RITA1: variants seen among roughly 807,000 people sequenced by gnomAD.
The protein encoded by RITA1 is RBPJ interacting and tubulin associated 1.
Under a neutral mutation model 8.7 loss-of-function variants are expected in RITA1, and 15 were observed. That is an observed-to-expected ratio of 1.72 (90% CI 1.15 to 2.65). The LOEUF (loss-of-function observed/expected upper bound fraction) is 2.65. RITA1 is among the 30% of genes most tolerant of loss of function. The pLI is 0.00. For missense variants in RITA1, 330 were observed against 363.8 expected (o/e 0.91, Z 0.76); for synonymous variants, 145 against 156.2 (o/e 0.93, Z 0.53).
At position 113,185,924 on chromosome 12, in the gene RITA1, G is replaced by A; in HGVS notation, c.-294G>A. ...TTGACGGGGATCCCGGATGCACCGC[G>A]CGCCCCCGCGCCCTCACCGACGGGT... On this transcript the variant is annotated 5_prime_UTR_variant, in exon 1 of 4. Coordinates refer to ENST00000548278, the MANE Select transcript of RITA1 (RefSeq NM_032848.3). 6.7e-7 allele frequency: 1 copy of A among 1,497,006 alleles called. No homozygotes were observed. The highest frequency in any genetic ancestry group is 1.2e-5 in the South Asian group (1 of 82,888). The allele number at this position is 1,497,006 out of a possible 1,614,324, so 92.7% of individuals were successfully genotyped here. A position where few individuals can be genotyped will look rare whatever the true frequency, so the allele number is the denominator to read the frequency against.
intron 3 of RITA1, among the ~76,000 whole-genome samples, chr12:113,189,168 G>T (rs61941445): frequency 0.049 from 7,508 of 152,044 alleles, 264 homozygotes; most frequent in Middle Eastern, 0.068. Context: ...GACATTTGGG[G>T]TTAGGGCTTC....
intron 3 of RITA1, among the ~76,000 whole-genome samples, chr12:113,189,985 G>A (rs1056477414): frequency 4.7e-5 from 7 of 149,360 alleles, no homozygotes; most frequent in Non-Finnish European, 1.0e-4. Context: ...TGCAGCGAGC[G>A]TCACTGCACT....
chr12:113,191,211 C>T lies in RITA1; in HGVS notation c.303-99C>T. On this transcript the variant is annotated intron_variant, in intron 3 of 3. Transcript: ENST00000548278. The surrounding 1 kb of genome is among the most constrained non-coding windows in gnomAD (Gnocchi z 4.0). Reference sequence around the variant, plus strand: ...GGACTCCTGGGATCTGCAGGCAACCCTCCTCTGCTGCTGCCATCCCAGGGT... The same window carrying T: ...GGACTCCTGGGATCTGCAGGCAACCTTCCTCTGCTGCTGCCATCCCAGGGT... The T allele has an allele frequency of 7.0e-7, 1 of 1,435,046 alleles. No individual in the cohort carries two copies. The highest frequency in any genetic ancestry group is 9.2e-7 in the Non-Finnish European group (1 of 1,085,980). The allele number at this position is 1,435,046 out of a possible 1,614,324, so 88.9% of individuals were successfully genotyped here.
chr12:113,185,961 G>A lies in RITA1; in HGVS notation c.-257G>A. On this transcript the variant is annotated 5_prime_UTR_variant, in exon 1 of 4. The change creates a premature stop within an existing upstream ORF in the 5' untranslated region. Coordinates refer to ENST00000548278, the MANE Select transcript of RITA1 (RefSeq NM_032848.3). ...CCTCACCGACGGGTCCAGACCTGGT[G>A]GGAAGAAGGTGCGGGGACGGGTCCC... The A allele has an allele frequency of 6.5e-7, 1 of 1,535,294 alleles. No individual in the cohort carries two copies. Among genetic ancestry groups the A allele is most frequent in the South Asian group, 1.2e-5 (1 of 84,030 alleles).
At chr12:113,190,280 T>C (rs1307971139) in intron 3 of RITA1, among the ~76,000 whole-genome samples, 1 of 141,372 alleles carries the variant, frequency 7.1e-6, no homozygotes, top group Non-Finnish European at 1.5e-5. Context: ...TGCAGTGAGC[T>C]GAGATTGCAC....
Position 113,191,165 on chromosome 12 carries a change from A to C in RITA1, c.303-145A>C. Reference sequence around the variant, plus strand: ...GCTTAAGAGGCTGTGGCCTCGCTGTAGGTTTCAGACTGGGAGACAAGGACT... The same window carrying C: ...GCTTAAGAGGCTGTGGCCTCGCTGTCGGTTTCAGACTGGGAGACAAGGACT... On this transcript the variant is annotated intron_variant, in intron 3 of 3. Transcript: ENST00000548278. The surrounding 1 kb of genome is among the most constrained non-coding windows in gnomAD (Gnocchi z 4.0). 1 of 1,066,826 alleles carries C rather than the reference A, an allele frequency of 9.4e-7. No homozygotes were observed. The highest frequency in any genetic ancestry group is 1.3e-6 in the Non-Finnish European group (1 of 775,606). 66.1% of individuals were successfully genotyped at this position (1,066,826 alleles called of 1,614,324 possible).
chr12:113,191,506 G>A lies in RITA1; in HGVS notation c.499G>A (p.Ala167Thr). The A allele has an allele frequency of 6.2e-7, 1 of 1,607,642 alleles. No homozygotes were observed. Among genetic ancestry groups the A allele is most frequent in the Non-Finnish European group, 8.5e-7 (1 of 1,175,046 alleles). ...REAPLRAIHP[A>T]GPSKTEPGPA... ...GGCACCACTGCGAGCCATTCACCCA[G>A]CTGGTCCCTCCAAGACAGAGCCGGG... The change falls in exon 4 of 4, where the codon GCT becomes ACT. Residue 167 changes from alanine (A) to threonine (T), a missense_variant. Coordinates refer to ENST00000548278, the MANE Select transcript of RITA1 (RefSeq NM_032848.3). This position sits in a 1 kb window ranked among gnomAD's most constrained non-coding sequence, Gnocchi z 4.0.
chr12:113,188,397 C>T (rs1483358743), intron 3 of RITA1, among the ~76,000 whole-genome samples: 4 of 151,854 alleles, frequency 2.6e-5, no homozygotes, highest in African/African-American at 4.8e-5. Context: ...TTAGTAGAGA[C>T]GGGGTTTCTC....
At chr12:113,190,615 C>G (rs979857671) in intron 3 of RITA1, among the ~76,000 whole-genome samples, 1 of 152,224 alleles carries the variant, frequency 6.6e-6, no homozygotes, top group Non-Finnish European at 1.5e-5. Context: ...TGCCACTACA[C>G]TCCACTTGAA....
Position 113,191,507 on chromosome 12 carries a change from C to A in RITA1, c.500C>A (p.Ala167Asp). The A allele has an allele frequency of 6.2e-7, 1 of 1,607,402 alleles. No individual in the cohort carries two copies. The highest frequency in any genetic ancestry group is 8.5e-7 in the Non-Finnish European group (1 of 1,174,854). Reference sequence around the variant, plus strand: ...GCACCACTGCGAGCCATTCACCCAGCTGGTCCCTCCAAGACAGAGCCGGGG... The same window carrying A: ...GCACCACTGCGAGCCATTCACCCAGATGGTCCCTCCAAGACAGAGCCGGGG... ...REAPLRAIHP[A>D]GPSKTEPGPA... is the part of the protein sequence containing the mutation. Residue 167 changes from alanine to aspartate, a missense_variant, in exon 4 of 4, where the codon GCT (alanine) becomes GAT (aspartate). Coordinates refer to ENST00000548278, the MANE Select transcript of RITA1 (RefSeq NM_032848.3). This position sits in a 1 kb window ranked among gnomAD's most constrained non-coding sequence, Gnocchi z 4.0.
chr12:113,185,780 T>G lies in RITA1; in HGVS notation c.-438T>G. 1 of 609,270 alleles carries G rather than the reference T, an allele frequency of 1.6e-6. No homozygotes were observed. The highest frequency in any genetic ancestry group is 2.9e-6 in the Non-Finnish European group (1 of 350,808). 37.7% of individuals were successfully genotyped at this position (609,270 alleles called of 1,614,324 possible). On this transcript the variant is annotated 5_prime_UTR_variant, in exon 1 of 4. Transcript: ENST00000548278. ...AAGTGCTGGGTTCTGGGTTTCTGGA[T>G]TCGCGGGCCGTTCACACGTAGCCTG... is the stretch of plus-strand genomic sequence containing the variant.
At position 113,185,955 on chromosome 12, in the gene RITA1, C is replaced by T. The variant is rs1037091119; in HGVS notation, c.-263C>T. ...CCGCGCCCTCACCGACGGGTCCAGACCTGGTGGGAAGAAGGTGCGGGGACG... is the reference window on the plus strand; with the variant it reads ...CCGCGCCCTCACCGACGGGTCCAGATCTGGTGGGAAGAAGGTGCGGGGACG... On this transcript the variant is annotated 5_prime_UTR_variant, in exon 1 of 4. Transcript: ENST00000548278. 6.5e-7 allele frequency: 1 copy of T among 1,534,942 alleles called. No homozygotes were observed. The highest frequency in any genetic ancestry group is 1.2e-5 in the South Asian group (1 of 84,032).
At position 113,191,646 on chromosome 12, in the gene RITA1, A is replaced by G. The variant is rs767590962; in HGVS notation, c.639A>G (p.Pro213=). 1 of 1,614,128 alleles carries G rather than the reference A, an allele frequency of 6.2e-7. No individual in the cohort carries two copies. The highest frequency in any genetic ancestry group is 8.5e-7 in the Non-Finnish European group (1 of 1,180,016). ...TGAATGTCCCCAGCACTGGTCATCC[A>G]GCCACCAGTGCCCCCCACACAAATG... is the stretch of plus-strand genomic sequence containing the variant. The part of the protein sequence containing the change: ...THLNVPSTGH[P]ATSAPHTNGP... Residue 213 remains proline (P), a synonymous_variant, in exon 4 of 4, where the codon CCA becomes CCG. Transcript: ENST00000548278. This position sits in a 1 kb window ranked among gnomAD's most constrained non-coding sequence, Gnocchi z 4.0.
Position 113,186,035 on chromosome 12 carries a change from C to T in RITA1, c.-197+14C>T. 6.5e-7 allele frequency: 1 copy of T among 1,536,050 alleles called. No homozygotes were observed. Among genetic ancestry groups the T allele is most frequent in the Non-Finnish European group, 8.7e-7 (1 of 1,146,840 alleles). ...CAAGATGCTCAGGTAGGAGAACAAC[C>T]CAAAAATGCAGGGACCTCGGGCACT... On this transcript the variant is annotated intron_variant, in intron 1 of 3. Transcript: ENST00000548278.
chr12:113,188,660 C>A (rs2136334406), intron 3 of RITA1, among the ~76,000 whole-genome samples: 1 of 151,870 alleles, frequency 6.6e-6, no homozygotes, highest in East Asian at 1.9e-4. Context: ...TTTTTTTAAT[C>A]CTTCAATTAC....
Position 113,191,235 on chromosome 12 carries a change from G to A in RITA1, c.303-75G>A. 6.8e-7 allele frequency: 1 copy of A among 1,472,468 alleles called. No individual in the cohort carries two copies. The highest frequency in any genetic ancestry group is 9.0e-7 in the Non-Finnish European group (1 of 1,116,204). The allele number at this position is 1,472,468 out of a possible 1,614,324, so 91.2% of individuals were successfully genotyped here. Reference sequence around the variant, plus strand: ...CCTCCTCTGCTGCTGCCATCCCAGGGTGGGTGGGAGAGCTGTTAAAGTTTT... The same window carrying A: ...CCTCCTCTGCTGCTGCCATCCCAGGATGGGTGGGAGAGCTGTTAAAGTTTT... On this transcript the variant is annotated intron_variant, in intron 3 of 3. Coordinates refer to ENST00000548278, the MANE Select transcript of RITA1 (RefSeq NM_032848.3). This position sits in a 1 kb window ranked among gnomAD's most constrained non-coding sequence, Gnocchi z 4.0.
Position 113,186,759 on chromosome 12 carries a change from G to A in RITA1, c.13G>A (p.Val5Met), listed in dbSNP as rs150255029. 22 of 1,613,128 alleles carry A rather than the reference G, an allele frequency of 1.4e-5. No homozygotes were observed. The African/African-American group carries it at 2.9e-4, about 22-fold the overall frequency. The change falls in exon 3 of 4, where the codon GTG becomes ATG. Residue 5 changes from valine to methionine, a missense_variant. Physicochemically the swap from Val to Met is conservative, Grantham distance 21. Transcript: ENST00000548278. The stretch of plus-strand genomic sequence containing the variant: ...GACCACAGGCAGCATGAAGACCCCC[G>A]TGGAGCTGGCCGTCAGTGGGATGCA... MKTP[V>M]ELAVSGMQTL...
chr12:113,191,741 G>A lies in RITA1; in HGVS notation c.734G>A (p.Arg245His), dbSNP rs538504098. The A allele has an allele frequency of 8.7e-6, 14 of 1,613,896 alleles. No homozygotes were observed. Among genetic ancestry groups the A allele is most frequent in the Admixed American group, 3.3e-5 (2 of 60,012 alleles). Reference protein sequence around the residue: ...FRSPLVTSRARSVSISVPSTP... With the variant: ...FRSPLVTSRAHSVSISVPSTP... ...AGCCCCCTGGTGACTTCCAGGGCTCGCTCAGTTAGCATTTCAGTGCCATCT... is the reference window on the plus strand; with the variant it reads ...AGCCCCCTGGTGACTTCCAGGGCTCACTCAGTTAGCATTTCAGTGCCATCT... Residue 245 changes from arginine (R) to histidine (H), a missense_variant, in exon 4 of 4, where the codon CGC (arginine) becomes CAC (histidine). Coordinates refer to ENST00000548278, the MANE Select transcript of RITA1 (RefSeq NM_032848.3). The surrounding 1 kb of genome is among the most constrained non-coding windows in gnomAD (Gnocchi z 4.0).
intron 1 of RITA1, 60 bp downstream of exon 1, chr12:113,186,081 T>G (rs1952533061): frequency 6.5e-7 from 1 of 1,535,312 alleles, no homozygotes; most frequent in African/African-American, 1.4e-5. Context: ...GTCATTGATT[T>G]GGGAGTCGCA....
Sources: allele counts gnomAD v4.1 joint callset (sites outside exome capture counted in the v4.1 genomes callset), GRCh38; gene constraint gnomAD v4.1.1; non-coding constraint Gnocchi (gnomAD v3.1); transcripts MANE v1.5; gene names NCBI Gene and HGNC (gene_info 2026-07-23, HGNC 2026-07-21).